The following MORC1 variants were observed in gnomAD, a reference collection of about 807,000 sequenced individuals.
MORC1 encodes the protein MORC family CW-type zinc finger protein 1.
Under a neutral mutation model 134.9 loss-of-function variants are expected in MORC1, and 59 were observed. The observed-to-expected ratio is 0.44, with a 90% CI of 0.35 to 0.54. The LOEUF (loss-of-function observed/expected upper bound fraction) is 0.54, where lower values mean the gene tolerates loss of function less well. Ranked by LOEUF, MORC1 falls within the 20% of genes least tolerant of loss-of-function variation. MORC1 has a pLI of 0.00. For missense variants in MORC1, 947 were observed against 1,134.5 expected (o/e 0.83, Z 2.37); for synonymous variants, 395 against 391.7 (o/e 1.01, Z -0.10).
chr3:109,059,347 C>T (rs1299946208), intron 12 of MORC1, among the ~76,000 whole-genome samples: 2 of 151,962 alleles, frequency 1.3e-5, no homozygotes, highest in African/African-American at 2.4e-5. Context: ...TCATTTTTAG[C>T]GATATATAAG....
chr3:109,063,065 G>A, intron 10 of MORC1, 87 bp downstream of exon 10: 1 of 969,680 alleles, frequency 1.0e-6, no homozygotes, highest in Non-Finnish European at 1.6e-6. Context: ...ACAATGCCTA[G>A]AGCAATGTAT....
intron 17 of MORC1, among the ~76,000 whole-genome samples, chr3:109,020,990 A>G (rs1242416645): frequency 6.6e-6 from 1 of 152,184 alleles, no homozygotes; most frequent in African/African-American, 2.4e-5. Flanking sequence ...TAAGAAGGAA[A>G]TTGGGTCAAG....
chr3:109,030,890 C>G (rs551936046), intron 16 of MORC1, among the ~76,000 whole-genome samples: 32 of 152,144 alleles, frequency 2.1e-4, no homozygotes, highest in Non-Finnish European at 4.0e-4. Context: ...ATGAATACCT[C>G]TATTTACCCC....
In MORC1 at chr3:109,111,060, A is replaced by AAAAC. The variant is rs1553764969; in HGVS notation, c.120-278_120-277insGTTT. ...AAAATGGATATAATTTAAAAAAAAA[A>AAAAC]AAAAAAAACAAAAAAAGCTGGCTGG... On this transcript the variant is annotated intron_variant, in intron 2 of 27. Coordinates refer to ENST00000232603, the MANE Select transcript of MORC1 (RefSeq NM_014429.4). Among the ~76,000 whole-genome samples the AAAAC allele has an allele frequency of 7.4e-4, 111 of 150,898 alleles. 1 individual carries two copies. Among genetic ancestry groups the AAAAC allele is most frequent in the South Asian group, 4.2e-4 (2 of 4,792 alleles).
chr3:109,093,419 G>A lies in MORC1; in HGVS notation c.689+17C>T, dbSNP rs769519656. Reference sequence around the variant, plus strand: ...CACCACCATTGTTGAAAAACATTCTGTCAAACACACACATACTCCTCCAGA... The same window carrying A: ...CACCACCATTGTTGAAAAACATTCTATCAAACACACACATACTCCTCCAGA... On this transcript the variant is annotated intron_variant, in intron 8 of 27. Coordinates refer to ENST00000232603, the MANE Select transcript of MORC1 (RefSeq NM_014429.4). 12 of 1,584,884 alleles carry A rather than the reference G, an allele frequency of 7.6e-6. No homozygotes were observed. The highest frequency in any genetic ancestry group is 3.3e-5 in the South Asian group (3 of 90,056).
intron 14 of MORC1, among the ~76,000 whole-genome samples, chr3:109,039,050 G>A (rs1231148951): frequency 1.3e-5 from 2 of 152,052 alleles, no homozygotes; most frequent in African/African-American, 4.8e-5. Flanking sequence ...CTGAATAGCT[G>A]GGATTACAGG....
At chr3:109,102,325 AG>A (rs1005318608) in intron 4 of MORC1, among the ~76,000 whole-genome samples, 1 of 152,166 alleles carries the variant, frequency 6.6e-6, no homozygotes, top group African/African-American at 2.4e-5. Flanking sequence ...AGAGATGCTG[AG>A]AGTACAAATT....
At chr3:109,072,370 G>A (rs780491449) in intron 8 of MORC1, among the ~76,000 whole-genome samples, 5 of 151,904 alleles carry the variant, frequency 3.3e-5, no homozygotes, top group South Asian at 2.1e-4. Context: ...ACTTCCTTTC[G>A]AAGCCTTCCC....
intron 17 of MORC1, among the ~76,000 whole-genome samples, chr3:109,012,365 A>C (rs1256833193): frequency 6.6e-6 from 1 of 152,208 alleles, no homozygotes; most frequent in Non-Finnish European, 1.5e-5. Context: ...ATGAGTATTA[A>C]AATTAGGTAG....
chr3:109,041,468 T>C (rs1186048505), intron 14 of MORC1, among the ~76,000 whole-genome samples: 2 of 151,952 alleles, frequency 1.3e-5, no homozygotes, highest in African/African-American at 4.8e-5. Context: ...TTCTAGCACT[T>C]TGGGAGGCCG....
At chr3:109,081,117 C>T (rs2107733420) in intron 8 of MORC1, among the ~76,000 whole-genome samples, 1 of 152,102 alleles carries the variant, frequency 6.6e-6, no homozygotes, top group East Asian at 1.9e-4. Flanking sequence ...TAAGAGAATA[C>T]ATCTAAATCA....
chr3:108,976,103 A>G (rs187343010), intron 24 of MORC1, among the ~76,000 whole-genome samples: 392 of 152,340 alleles, frequency 2.6e-3, no homozygotes, highest in African/African-American at 8.3e-3. Context: ...AAGAAGTAAT[A>G]TAAGACAGGA....
At chr3:108,970,335 C>G (rs1173120083) in intron 25 of MORC1, among the ~76,000 whole-genome samples, 1 of 152,014 alleles carries the variant, frequency 6.6e-6, no homozygotes, top group Non-Finnish European at 1.5e-5. Context: ...AGGAGCTACA[C>G]AAAGAAGGTG....
chr3:108,959,059 T>A lies in MORC1; in HGVS notation c.2861A>T (p.Asp954Val). ...TAAATTGTTCTGGAAGAGAAGATTA[T>A]CTTCTTTAAGCAAAGCTTCTAAATA... Reference protein sequence around the residue: ...DTYLEALLKEDNLLFQNNLNK... With the variant: ...DTYLEALLKEVNLLFQNNLNK... Residue 954 changes from aspartate (D) to valine (V), a missense_variant, in exon 28 of 28, where the codon GAT (aspartate) becomes GTT (valine). Asp to Val is a radical substitution (Grantham distance 152). Around this residue, in one of 3 missense-constraint regions of MORC1, gnomAD observed 722 missense variants for 817.0 expected, o/e 0.88. Coordinates refer to ENST00000232603, the MANE Select transcript of MORC1 (RefSeq NM_014429.4). 1.9e-6 allele frequency: 3 copies of A among 1,578,628 alleles called. No individual in the cohort carries two copies. In the South Asian group the frequency reaches 3.5e-5, roughly 18 times the overall value.
intron 14 of MORC1, among the ~76,000 whole-genome samples, chr3:109,053,616 G>C (rs1949881668): frequency 6.6e-6 from 1 of 152,078 alleles, no homozygotes; most frequent in Non-Finnish European, 1.5e-5. Context: ...AGACACTGAG[G>C]AATATAAAAG....
chr3:109,027,100 T>C (rs556219270), intron 17 of MORC1, among the ~76,000 whole-genome samples: 1 of 152,330 alleles, frequency 6.6e-6, no homozygotes, highest in Admixed American at 6.5e-5. Context: ...TTTGGACATA[T>C]GCTACAACTG....
intron 9 of MORC1, among the ~76,000 whole-genome samples, chr3:109,068,118 A>G (rs974982160): frequency 1.3e-5 from 2 of 152,230 alleles, no homozygotes; most frequent in Admixed American, 6.5e-5. Context: ...GAAATAGTTC[A>G]GGCAAAAAGG....
chr3:108,980,908 G>A (rs1383269181), intron 23 of MORC1, among the ~76,000 whole-genome samples: 1 of 152,134 alleles, frequency 6.6e-6, no homozygotes, highest in Non-Finnish European at 1.5e-5. Context: ...GGATTGCAGG[G>A]CATCGTGGGC....
intron 27 of MORC1, among the ~76,000 whole-genome samples, chr3:108,962,140 G>A (rs954225961): frequency 1.1e-4 from 17 of 152,202 alleles, no homozygotes; most frequent in African/African-American, 3.4e-4. Context: ...GTTGATAGAA[G>A]CGCAAATACA....
Sources: gnomAD v4.1 joint callset for allele counts (sites outside exome capture counted in the v4.1 genomes callset) on GRCh38, gnomAD v4.1.1 for gene constraint, gnomAD v4.1.1 regional missense constraint, MANE v1.5 for transcripts, NCBI Gene and HGNC (gene_info 2026-07-23, HGNC 2026-07-21) for gene names.